Variants in EML3 observed in about 807,000 individuals in gnomAD.
EML3 encodes the protein EMAP like 3.
EML3 carries 53 observed loss-of-function variants against 106.7 expected under a neutral mutation model. The observed-to-expected ratio is 0.50, with a 90% CI of 0.40 to 0.62. The LOEUF is 0.62. EML3 is among the 20% of genes least tolerant of loss of function. EML3 has a pLI of 0.00. For synonymous variants in EML3, 499 were observed against 489.6 expected, an observed-to-expected ratio of 1.02 and a Z score of -0.25; for missense variants, 994 against 1,209.1, an observed-to-expected ratio of 0.82 and a Z score of 2.64.
intron 9 of EML3, 109 bp from the exon 10 acceptor site, chr11:62,608,405 G>GAC (rs1186971409): frequency 7.5e-7 from 1 of 1,341,318 alleles, no homozygotes; most frequent in Non-Finnish European, 1.1e-6. Context: ...AGAAAAAGTT[G>GAC]ACACACATGG....
chr11:62,610,392 T>C (rs1486597465), intron 4 of EML3, among the ~76,000 whole-genome samples: 1 of 152,174 alleles, frequency 6.6e-6, no homozygotes, highest in Non-Finnish European at 1.5e-5. Flanking sequence ...TCTTGCCCTC[T>C]AGAAGTAAGT....
At position 62,607,252 on chromosome 11, in the gene EML3, A is replaced by G. The variant is rs1942574830; in HGVS notation, c.1363-153T>C. On this transcript the variant is annotated intron_variant, in intron 11 of 21. Coordinates refer to ENST00000394773, the MANE Select transcript of EML3 (RefSeq NM_153265.3). ...CACCTGAGGCCAGGAGTTTGTGACCAGCCTGGCCAATATGGTGAAATCCCG... is the reference window on the plus strand; with the variant it reads ...CACCTGAGGCCAGGAGTTTGTGACCGGCCTGGCCAATATGGTGAAATCCCG... The G allele has an allele frequency of 4.8e-6, 4 of 841,848 alleles. No individual in the cohort carries two copies. The South Asian group carries it at 5.2e-5, about 11-fold the overall frequency. The allele number at this position is 841,848 out of a possible 1,614,324, so 52.1% of individuals were successfully genotyped here. A position where few individuals can be genotyped will look rare whatever the true frequency, so the allele number is the denominator to read the frequency against.
chr11:62,611,067 C>G lies in EML3; in HGVS notation c.452+20G>C. On this transcript the variant is annotated intron_variant, in intron 3 of 21. Transcript: ENST00000394773. Reference sequence around the variant, plus strand: ...CTACCACCCCTCCCAGCTTCCGCCACAGGGCCACAGGACACCTACGTGTCA... The same window carrying G: ...CTACCACCCCTCCCAGCTTCCGCCAGAGGGCCACAGGACACCTACGTGTCA... 2 of 1,601,326 alleles carry G rather than the reference C, an allele frequency of 1.2e-6. No homozygotes were observed. The highest frequency in any genetic ancestry group is 1.7e-6 in the Non-Finnish European group (2 of 1,177,698).
rs778017366 is a variant in EML3 at position 62,605,832 on chromosome 11, C to T, written c.1782+23G>A. ...CTCTCACACCCCTTTGTCCCTTCCTCCCCTGAGCCCTTAACCCCCAACCTG... is the reference window on the plus strand; with the variant it reads ...CTCTCACACCCCTTTGTCCCTTCCTTCCCTGAGCCCTTAACCCCCAACCTG... On this transcript the variant is annotated intron_variant, in intron 14 of 21. Transcript: ENST00000394773. This position sits in a 1 kb window ranked among gnomAD's most constrained non-coding sequence, Gnocchi z 5.2. 1.9e-6 allele frequency: 3 copies of T among 1,612,934 alleles called. No homozygotes were observed. Among genetic ancestry groups the T allele is most frequent in the African/African-American group, 2.7e-5 (2 of 74,896 alleles).
At chr11:62,610,540 A>C (rs899511997) in intron 4 of EML3, among the ~76,000 whole-genome samples, 4 of 152,162 alleles carry the variant, frequency 2.6e-5, no homozygotes, top group Middle Eastern at 3.2e-3. Flanking sequence ...TGGAAAGGGT[A>C]GGGGAACTGG....
chr11:62,602,577 G>A lies in EML3; in HGVS notation c.2589C>T (p.Ser863=). 1 of 1,536,308 alleles carries A rather than the reference G, an allele frequency of 6.5e-7. No individual in the cohort carries two copies. Among genetic ancestry groups the A allele is most frequent in the Non-Finnish European group, 8.8e-7 (1 of 1,141,952 alleles). ...CGCCCAGCACTCGCCACTGGAAGAT[G>A]CTGGCGTCCTTGCCGCCCAGCGAGA... ...HLVSLGGKDA[S]IFQWRVLGAG... is the part of the protein sequence containing the mutation. Residue 863 remains serine, a synonymous_variant, in exon 22 of 22, where the codon AGC becomes AGT. Transcript: ENST00000394773.
intron 11 of EML3, 120 bp from the exon 12 acceptor site, chr11:62,607,219 G>C: frequency 1.5e-6 from 2 of 1,310,890 alleles, no homozygotes; most frequent in Non-Finnish European, 2.1e-6. Flanking sequence ...AGGCCAAGGC[G>C]GGCGGGTCAC....
In EML3 at chr11:62,603,819, G is replaced by C; in HGVS notation, c.2170-3C>G. 1 of 1,613,992 alleles carries C rather than the reference G, an allele frequency of 6.2e-7. No individual in the cohort carries two copies. ...TGAGTGATGAAGCTGGAGTGACCCTGGGAGCAAAGGTCAAGAGTTTTAAAG... is the reference window on the plus strand; with the variant it reads ...TGAGTGATGAAGCTGGAGTGACCCTCGGAGCAAAGGTCAAGAGTTTTAAAG... On this transcript the variant is annotated splice_region_variant and splice_polypyrimidine_tract_variant and intron_variant, in intron 18 of 21. Coordinates refer to ENST00000394773, the MANE Select transcript of EML3 (RefSeq NM_153265.3).
chr11:62,607,351 G>A, intron 11 of EML3: 1 of 456,542 alleles, frequency 2.2e-6, no homozygotes, highest in South Asian at 3.9e-5. Flanking sequence ...AAACGGGCAT[G>A]ATGGCCAACA....
Position 62,611,237 on chromosome 11 carries a change from C to G in EML3, c.302G>C (p.Gly101Ala). ...AGGGGCTGGGGGTCCATTGCTCAGG[C>G]CAGGGGGTCCAGGGGATGACTTGAG... The part of the protein sequence containing the change: ...VELKSSPGPP[G>A]LSNGPPAPQG... The change falls in exon 3 of 22, where the codon GGC becomes GCC. Residue 101 changes from glycine (G) to alanine (A), a missense_variant. Around this residue, in one of 3 missense-constraint regions of EML3, gnomAD observed 269 missense variants for 265.1 expected, o/e 1.01. Coordinates refer to ENST00000394773, the MANE Select transcript of EML3 (RefSeq NM_153265.3). 1 of 1,612,204 alleles carries G rather than the reference C, an allele frequency of 6.2e-7. No homozygotes were observed. The highest frequency in any genetic ancestry group is 8.5e-7 in the Non-Finnish European group (1 of 1,179,858).
chr11:62,610,182 C>A (rs1374702291), intron 4 of EML3, among the ~76,000 whole-genome samples: 1 of 152,218 alleles, frequency 6.6e-6, no homozygotes, highest in African/African-American at 2.4e-5. Context: ...GAATGTACAC[C>A]AGCTCCGCCT....
In EML3 at chr11:62,602,387, C is replaced by T. The variant is rs933663372; in HGVS notation, c.*88G>A. On this transcript the variant is annotated 3_prime_UTR_variant, in exon 22 of 22. Transcript: ENST00000394773. ...TCTCGAAGTCAGTCCAGGAAAGAGTCGGCCCCTAGTCGTGGGGGATTGGGC... is the reference window on the plus strand; with the variant it reads ...TCTCGAAGTCAGTCCAGGAAAGAGTTGGCCCCTAGTCGTGGGGGATTGGGC... 3 of 1,460,064 alleles carry T rather than the reference C, an allele frequency of 2.1e-6. No individual in the cohort carries two copies. Among genetic ancestry groups the T allele is most frequent in the South Asian group, 1.2e-5 (1 of 82,510 alleles). The allele number at this position is 1,460,064 out of a possible 1,614,324, so 90.4% of individuals were successfully genotyped here.
Position 62,605,967 on chromosome 11 carries a change from A to C in EML3, c.1670T>G (p.Phe557Cys). 6.2e-7 allele frequency: 1 copy of C among 1,614,116 alleles called. No individual in the cohort carries two copies. ...TTCAGCAATGGCTCGCACGGCCCCG[A>C]AGTGCTCGGGAATCTGCAGAGTGGT... The part of the protein sequence containing the change: ...ALQEAEIPEH[F>C]GAVRAIAEGL... Residue 557 changes from phenylalanine (F) to cysteine (C), a missense_variant, in exon 14 of 22, where the codon TTC (phenylalanine) becomes TGC (cysteine). Transcript: ENST00000394773. The surrounding 1 kb of genome is among the most constrained non-coding windows in gnomAD (Gnocchi z 5.2).
chr11:62,607,428 C>G (rs953321485), intron 11 of EML3: 7 of 479,916 alleles, frequency 1.5e-5, no homozygotes, highest in Non-Finnish European at 2.5e-5. Context: ...CCCAGCTACT[C>G]CGGGAGGCTG....
intron 7 of EML3, 27 bp downstream of exon 7, chr11:62,608,935 C>T: frequency 6.2e-7 from 1 of 1,610,438 alleles, no homozygotes; most frequent in South Asian, 1.1e-5. Flanking sequence ...CTCTTCCTGC[C>T]AAGCCCACCA....
chr11:62,604,615 T>C, intron 16 of EML3: 1 of 229,960 alleles, frequency 4.3e-6, no homozygotes, highest in East Asian at 1.1e-4. Context: ...TGACCTCAAG[T>C]GATCCACCCG....
intron 12 of EML3, among the ~76,000 whole-genome samples, chr11:62,606,564 G>A (rs1320461870): frequency 6.6e-6 from 1 of 152,178 alleles, no homozygotes; most frequent in Non-Finnish European, 1.5e-5. Flanking sequence ...AGGTAAAAAG[G>A]TGGGAAACCT....
Position 62,608,986 on chromosome 11 carries a change from C to A in EML3, c.905G>T (p.Arg302Leu). 2.5e-6 allele frequency: 4 copies of A among 1,613,926 alleles called. No individual in the cohort carries two copies. Among genetic ancestry groups the A allele is most frequent in the Non-Finnish European group, 3.4e-6 (4 of 1,179,994 alleles). ...GPGGGGQRHY[R>L]GHTDCVRCLA... The stretch of plus-strand genomic sequence containing the variant: ...CCATCGAACGCAGTCTGTGTGCCCC[C>A]GGTAATGTCTCTGGCCGCCACCTCC... The change falls in exon 7 of 22, where the codon CGG becomes CTG. Residue 302 changes from arginine (R) to leucine (L), a missense_variant. Arg to Leu is a moderately radical substitution (Grantham distance 102). Transcript: ENST00000394773.
At position 62,608,312 on chromosome 11, in the gene EML3, A is replaced by G. The variant is rs1942634765; in HGVS notation, c.1111-16T>C. The G allele has an allele frequency of 1.9e-6, 3 of 1,610,530 alleles. No homozygotes were observed. The highest frequency in any genetic ancestry group is 2.5e-6 in the Non-Finnish European group (3 of 1,177,018). On this transcript the variant is annotated splice_polypyrimidine_tract_variant and intron_variant, in intron 9 of 21. Transcript: ENST00000394773. ...CACCCTGATCCTGAAGAAGGGTGAC[A>G]CATAGGAGGTGCAGAGTGAACCCTG...
Sources: allele counts gnomAD v4.1 joint callset (sites outside exome capture counted in the v4.1 genomes callset), GRCh38; gene constraint gnomAD v4.1.1; regional missense constraint gnomAD v4.1.1; non-coding constraint Gnocchi (gnomAD v3.1); transcripts MANE v1.5; gene names NCBI Gene and HGNC (gene_info 2026-07-23, HGNC 2026-07-21).